The following GRIN3A variants were observed in gnomAD, a reference collection of about 807,000 sequenced individuals.
GRIN3A encodes glutamate receptor ionotropic, NMDA 3A.
GRIN3A carries 47 observed loss-of-function variants against 92.4 expected under a neutral mutation model. The observed-to-expected ratio is 0.51, with a 90% CI of 0.40 to 0.65. GRIN3A has a LOEUF of 0.65. Ranked by LOEUF, GRIN3A falls within the 30% of genes least tolerant of loss-of-function variation. The probability of loss-of-function intolerance (pLI) is 0.00; values close to 1 mark genes in which losing one functional copy is unlikely to be tolerated. For synonymous variants in GRIN3A, 527 were observed against 540.6 expected (o/e 0.97, Z 0.35); for missense variants, 1,324 against 1,393.1 (o/e 0.95, Z 0.79).
At chr9:101,599,585 T>C (rs1828184651) in intron 6 of GRIN3A, among the ~76,000 whole-genome samples, 1 of 152,204 alleles carries the variant, frequency 6.6e-6, no homozygotes, top group African/African-American at 2.4e-5. Flanking sequence ...AGCAAGTAAA[T>C]TAAAAGGGTT....
At position 101,690,701 on chromosome 9, in the gene GRIN3A, G is replaced by A. The variant is rs535263494; in HGVS notation, c.700-3501C>T. ...GAAAATGATAGGCCTTGCTTTGGAG[G>A]ATATTAGAACACATTAGAAAATGTC... On this transcript the variant is annotated intron_variant, in intron 1 of 8. Coordinates refer to ENST00000361820, the MANE Select transcript of GRIN3A (RefSeq NM_133445.3). 2.9e-4 allele frequency among the ~76,000 whole-genome samples: 44 copies of A among 152,104 alleles called. 1 individual carries two copies. The highest frequency in any genetic ancestry group is 1.6e-3 in the Admixed American group (24 of 15,264).
chr9:101,663,899 A>T (rs144072699), intron 3 of GRIN3A, among the ~76,000 whole-genome samples: 1 of 151,480 alleles, frequency 6.6e-6, no homozygotes. Context: ...TCTCAGGGCT[A>T]AAAGGGGAGA....
At chr9:101,602,121 C>T (rs1380505104) in intron 6 of GRIN3A, among the ~76,000 whole-genome samples, 3 of 152,114 alleles carry the variant, frequency 2.0e-5, no homozygotes, top group African/African-American at 7.2e-5. Flanking sequence ...AGGGGCATCT[C>T]TATAAAGGCT....
intron 5 of GRIN3A, among the ~76,000 whole-genome samples, chr9:101,616,989 A>T (rs1828465766): frequency 6.6e-6 from 1 of 151,314 alleles, no homozygotes. Context: ...TCACGAGATC[A>T]GGAGATGGAG....
intron 6 of GRIN3A, among the ~76,000 whole-genome samples, chr9:101,611,737 T>C (rs1828370890): frequency 1.3e-5 from 2 of 152,152 alleles, no homozygotes; most frequent in South Asian, 4.1e-4. Context: ...AAAAACTCAA[T>C]TGAGTATATG....
At position 101,594,777 on chromosome 9, in the gene GRIN3A, G is replaced by T. The variant is rs142403692; in HGVS notation, c.2767-15417C>A. Reference sequence around the variant, plus strand: ...CGCCGCACCAACGGGTTGTGGCGCAGCTCCGGCAGGGACATGAACTCCTCC... The same window carrying T: ...CGCCGCACCAACGGGTTGTGGCGCATCTCCGGCAGGGACATGAACTCCTCC... On this transcript the variant is annotated intron_variant, in intron 6 of 8. Coordinates refer to ENST00000361820, the MANE Select transcript of GRIN3A (RefSeq NM_133445.3). The T allele has an allele frequency of 3.7e-6, 6 of 1,613,850 alleles. No homozygotes were observed. In the East Asian group the frequency reaches 1.3e-4, roughly 36 times the overall value.
At chr9:101,671,258 G>A in intron 2 of GRIN3A, 151 bp from the exon 3 acceptor site, 1 of 690,134 alleles carries the variant, frequency 1.4e-6, no homozygotes, top group Non-Finnish European at 2.6e-6. Flanking sequence ...ATGTTAATAA[G>A]CTGGACTCAT....
chr9:101,611,204 C>T (rs1273221965), intron 6 of GRIN3A, among the ~76,000 whole-genome samples: 2 of 152,100 alleles, frequency 1.3e-5, no homozygotes, highest in African/African-American at 4.8e-5. Context: ...GGGTTAGTTC[C>T]TCTGGAGGCT....
intron 5 of GRIN3A, among the ~76,000 whole-genome samples, chr9:101,615,533 T>A (rs1828434441): frequency 1.3e-5 from 2 of 151,598 alleles, no homozygotes. Context: ...ATTTTTTGTA[T>A]TTTTAGTAGA....
chr9:101,730,584 C>A (rs1345006845), intron 1 of GRIN3A, among the ~76,000 whole-genome samples: 1 of 152,032 alleles, frequency 6.6e-6, no homozygotes, highest in East Asian at 1.9e-4. Context: ...CTGAACTTCT[C>A]AAAAATGTAA....
intron 6 of GRIN3A, among the ~76,000 whole-genome samples, chr9:101,584,941 G>A (rs1200918144): frequency 6.6e-6 from 1 of 152,170 alleles, no homozygotes; most frequent in Non-Finnish European, 1.5e-5. Context: ...TACTAATCAA[G>A]ATCTATGCAG....
chr9:101,672,624 T>G (rs970935940), intron 2 of GRIN3A, among the ~76,000 whole-genome samples: 2 of 152,152 alleles, frequency 1.3e-5, no homozygotes, highest in African/African-American at 4.8e-5. Flanking sequence ...AATAAGACAT[T>G]ATGTTGCCAC....
At chr9:101,723,814 T>C (rs922253005) in intron 1 of GRIN3A, among the ~76,000 whole-genome samples, 1 of 152,110 alleles carries the variant, frequency 6.6e-6, no homozygotes. Context: ...TGGGTGCTGA[T>C]TGGTGTGTTT....
At chr9:101,586,009 A>G (rs2118797994) in intron 6 of GRIN3A, among the ~76,000 whole-genome samples, 1 of 152,130 alleles carries the variant, frequency 6.6e-6, no homozygotes, top group East Asian at 1.9e-4. Flanking sequence ...GCAACTTGCC[A>G]CTTGAGGGTA....
intron 3 of GRIN3A, among the ~76,000 whole-genome samples, chr9:101,661,904 C>CA (rs1829176551): frequency 6.6e-6 from 1 of 151,718 alleles, no homozygotes; most frequent in African/African-American, 2.4e-5. Flanking sequence ...ATGTGATGGG[C>CA]AAAAATGTCT....
At chr9:101,621,018 C>G (rs1005813932) in intron 5 of GRIN3A, among the ~76,000 whole-genome samples, 5 of 152,066 alleles carry the variant, frequency 3.3e-5, no homozygotes, top group African/African-American at 4.8e-5. Flanking sequence ...CTGTAGGTGG[C>G]TCACGCCTGT....
At chr9:101,697,026 T>G (rs948899202) in intron 1 of GRIN3A, among the ~76,000 whole-genome samples, 3 of 152,158 alleles carry the variant, frequency 2.0e-5, no homozygotes, top group African/African-American at 7.2e-5. Context: ...TTCAGAATAA[T>G]TTCATAATTA....
chr9:101,737,779 G>T lies in GRIN3A; in HGVS notation c.201C>A (p.Arg67=), dbSNP rs1830235652. ...CTCCTGCTCGGCTGTCGTCCGGAGC[G>T]CGGCTGGCCGCGCGGGGGGCGGTGG... The part of the protein sequence containing the change: ...PWTTAPRAAS[R]APDDSRAGAQ... The change falls in exon 1 of 9, where the codon CGC becomes CGA. Residue 67 remains arginine, a synonymous_variant. Coordinates refer to ENST00000361820, the MANE Select transcript of GRIN3A (RefSeq NM_133445.3). 2 of 1,528,068 alleles carry T rather than the reference G, an allele frequency of 1.3e-6. No homozygotes were observed. The highest frequency in any genetic ancestry group is 1.7e-6 in the Non-Finnish European group (2 of 1,143,772). 94.7% of individuals were successfully genotyped at this position (1,528,068 alleles called of 1,614,324 possible).
intron 6 of GRIN3A, among the ~76,000 whole-genome samples, chr9:101,598,147 T>C (rs1828164002): frequency 6.6e-6 from 1 of 152,204 alleles, no homozygotes; most frequent in Admixed American, 6.5e-5. Flanking sequence ...TAATAATATA[T>C]TTATATTAAC....
Sources: gnomAD v4.1 joint callset for allele counts (sites outside exome capture counted in the v4.1 genomes callset) on GRCh38, gnomAD v4.1.1 for gene constraint, MANE v1.5 for transcripts, NCBI Gene and HGNC (gene_info 2026-07-23, HGNC 2026-07-21) for gene names.